The following ASXL1 variants were observed in gnomAD, a reference collection of about 807,000 sequenced individuals.
The protein encoded by ASXL1 is ASXL transcriptional regulator 1.
In ASXL1, 65 loss-of-function variants were observed where a neutral mutation model predicts 89.1. That is an observed-to-expected ratio of 0.73 (90% CI 0.60 to 0.90). The LOEUF is 0.90. ASXL1 is among the 40% of genes least tolerant of loss of function. The pLI, the probability that ASXL1 is intolerant of heterozygous loss-of-function variation, is 0.00. For missense variants in ASXL1, 1,786 were observed against 1,942.9 expected (o/e 0.92, Z 1.52); for synonymous variants, 739 against 746.9 (o/e 0.99, Z 0.17).
rs779722479 is a variant in ASXL1 at position 32,437,018 on chromosome 20, A to T, written c.4306A>T (p.Ile1436Phe). 6 of 1,614,022 alleles carry T rather than the reference A, an allele frequency of 3.7e-6. No individual in the cohort carries two copies. Among genetic ancestry groups the T allele is most frequent in the Non-Finnish European group, 5.1e-6 (6 of 1,180,002 alleles). ...TTCTTCTCTCCCCTCCCAACTCAGC[A>T]TCAAGCAGGCATTTTATGGGAAGCT... is the stretch of plus-strand genomic sequence containing the variant. The part of the protein sequence containing the change: ...EPSSLPSQLS[I>F]KQAFYGKLSK... The change falls in exon 13 of 13, where the codon ATC (isoleucine) becomes TTC (phenylalanine). Residue 1436 changes from isoleucine to phenylalanine, a missense_variant. This residue lies in a region of ASXL1 where 1,418 missense variants were observed against 1,427.8 expected (regional missense o/e 0.99). Coordinates refer to ENST00000375687, the MANE Select transcript of ASXL1 (RefSeq NM_015338.6).
chr20:32,369,053 A>G lies in ASXL1; in HGVS notation c.182A>G (p.His61Arg). 1 of 1,614,120 alleles carries G rather than the reference A, an allele frequency of 6.2e-7. No homozygotes were observed. The highest frequency in any genetic ancestry group is 1.7e-5 in the Admixed American group (1 of 60,014). ...SPLACLNAMLHSNSRGGEGLF... is the reference protein window; with the variant it reads ...SPLACLNAMLRSNSRGGEGLF... The stretch of plus-strand genomic sequence containing the variant: ...CTCGCATGCCTCAATGCTATGCTAC[A>G]TTCCAATTCAAGAGGAGGAGAGGGG... Residue 61 changes from histidine (H) to arginine (R), a missense_variant, in exon 4 of 13, where the codon CAT becomes CGT. This residue lies in a region of ASXL1 where 332 missense variants were observed against 449.7 expected (regional missense o/e 0.74). Transcript: ENST00000375687.
chr20:32,430,062 C>T lies in ASXL1; in HGVS notation c.718+9C>T, dbSNP rs1287510935. The T allele has an allele frequency of 1.9e-6, 3 of 1,602,234 alleles. No individual in the cohort carries two copies. The highest frequency in any genetic ancestry group is 3.3e-4 in the Middle Eastern group (2 of 6,064). On this transcript the variant is annotated intron_variant, in intron 8 of 12. Coordinates refer to ENST00000375687, the MANE Select transcript of ASXL1 (RefSeq NM_015338.6). ...CCGGAAGCCAGCCACAGGTGAGTGG[C>T]GTGGCACTTATTTCTCTGCCTGTAA...
At chr20:32,424,459 C>T in intron 4 of ASXL1, among the ~76,000 whole-genome samples, 1 of 152,112 alleles carries the variant, frequency 6.6e-6, no homozygotes, top group Non-Finnish European at 1.5e-5. Flanking sequence ...CGCTTGAACC[C>T]AGGAGGAGGA....
At chr20:32,376,344 G>A (rs926293076) in intron 4 of ASXL1, among the ~76,000 whole-genome samples, 9 of 151,650 alleles carry the variant, frequency 5.9e-5, no homozygotes, top group Non-Finnish European at 2.9e-5. Context: ...GCGCAATCTC[G>A]GCTCACTGTA....
At chr20:32,402,369 T>C (rs926989661) in intron 4 of ASXL1, among the ~76,000 whole-genome samples, 1 of 152,242 alleles carries the variant, frequency 6.6e-6, no homozygotes, top group Non-Finnish European at 1.5e-5. Context: ...TGAAGAACAT[T>C]TGAGTTGTTC....
intron 10 of ASXL1, 35 bp downstream of exon 10, chr20:32,431,714 C>T (rs766071131): frequency 1.7e-5 from 27 of 1,599,912 alleles, no homozygotes; most frequent in African/African-American, 5.4e-5. Context: ...CGGCTTGCGA[C>T]GCACCTGTCG....
chr20:32,432,567 GTTC>G (rs1465049617), intron 10 of ASXL1: 7 of 356,106 alleles, frequency 2.0e-5, no homozygotes. Flanking sequence ...GCCAAGGGCT[GTTC>G]TTTTAAGTAG....
At chr20:32,432,183 A>G (rs2011537345) in intron 10 of ASXL1, among the ~76,000 whole-genome samples, 1 of 152,262 alleles carries the variant, frequency 6.6e-6, no homozygotes, top group Non-Finnish European at 1.5e-5. Context: ...TTACAGCAGA[A>G]GAATACAAAG....
intron 4 of ASXL1, among the ~76,000 whole-genome samples, chr20:32,404,477 T>C (rs1174646198): frequency 6.6e-6 from 1 of 152,358 alleles, no homozygotes; most frequent in South Asian, 2.1e-4. Context: ...TTGATGTTAG[T>C]GTGTTGATCT....
chr20:32,394,280 G>T (rs1191661055), intron 4 of ASXL1, among the ~76,000 whole-genome samples: 1 of 152,188 alleles, frequency 6.6e-6, no homozygotes, highest in East Asian at 1.9e-4. Flanking sequence ...GGGATTACAG[G>T]CGTGAGCCAC....
rs1255779893 is a variant in ASXL1 at position 32,436,920 on chromosome 20, C to T, written c.4208C>T (p.Pro1403Leu). The T allele has an allele frequency of 6.2e-7, 1 of 1,614,148 alleles. No homozygotes were observed. The highest frequency in any genetic ancestry group is 1.1e-5 in the South Asian group (1 of 91,076). Residue 1403 changes from proline (P) to leucine (L), a missense_variant, in exon 13 of 13, where the codon CCC (proline) becomes CTC (leucine). This residue lies in a region of ASXL1 where 1,418 missense variants were observed against 1,427.8 expected (regional missense o/e 0.99). Transcript: ENST00000375687. ...CTGGTGGGTCACTTGGAAGGGATGC[C>T]CTTTGTCATGGACTTGCCCTTCTGG... ...LELVGHLEGM[P>L]FVMDLPFWKL...
At chr20:32,387,379 C>G (rs1158476368) in intron 4 of ASXL1, among the ~76,000 whole-genome samples, 2 of 152,188 alleles carry the variant, frequency 1.3e-5, no homozygotes, top group Admixed American at 6.5e-5. Flanking sequence ...ACATCATAGC[C>G]TTACTCAGAT....
At chr20:32,402,194 A>T (rs1452167160) in intron 4 of ASXL1, among the ~76,000 whole-genome samples, 2 of 152,334 alleles carry the variant, frequency 1.3e-5, no homozygotes, top group African/African-American at 4.8e-5. Flanking sequence ...GGCACACTAC[A>T]GTTTACCCAT....
chr20:32,431,526 C>T (rs2011512650), intron 9 of ASXL1, 42 bp downstream of exon 9: 2 of 1,614,052 alleles, frequency 1.2e-6, no homozygotes, highest in African/African-American at 2.7e-5. Context: ...TCTGGGTGGG[C>T]TTCTGTTCTC....
chr20:32,431,958 A>G (rs1023888775), intron 10 of ASXL1, among the ~76,000 whole-genome samples: 2 of 152,186 alleles, frequency 1.3e-5, no homozygotes, highest in African/African-American at 4.8e-5. Context: ...TCCAGTAATC[A>G]TGGCATGGTC....
chr20:32,367,628 T>C (rs1417983286), intron 2 of ASXL1, 99 bp from the exon 3 acceptor site: 7 of 769,212 alleles, frequency 9.1e-6, no homozygotes, highest in African/African-American at 6.8e-5. Context: ...CTTGTACTTA[T>C]CCACTGTGTA....
intron 1 of ASXL1, 69 bp downstream of exon 1, chr20:32,358,901 C>A: frequency 7.2e-7 from 1 of 1,384,696 alleles, no homozygotes; most frequent in South Asian, 1.5e-5. Context: ...CACCCCCCCA[C>A]TGGGGGGGGA....
At chr20:32,397,001 AAAAC>A (rs960235299) in intron 4 of ASXL1, among the ~76,000 whole-genome samples, 27 of 125,820 alleles carry the variant, frequency 2.1e-4, no homozygotes, top group Non-Finnish European at 3.0e-4. Flanking sequence ...GCAAAAAAAA[AAAAC>A]AAACAAAAAA....
intron 8 of ASXL1, 184 bp from the exon 9 acceptor site, chr20:32,431,137 G>T (rs1212736540): frequency 1.0e-5 from 8 of 773,922 alleles, no homozygotes; most frequent in Non-Finnish European, 1.5e-5. Context: ...TGTTCTCCTG[G>T]GTTTGATGGC....
Sources: gnomAD v4.1 joint callset for allele counts (sites outside exome capture counted in the v4.1 genomes callset) on GRCh38, gnomAD v4.1.1 for gene constraint, gnomAD v4.1.1 regional missense constraint, MANE v1.5 for transcripts, NCBI Gene and HGNC (gene_info 2026-07-23, HGNC 2026-07-21) for gene names.